DOCK2: variants seen among roughly 807,000 people sequenced by gnomAD.
DOCK2 encodes dedicator of cytokinesis protein 2.
DOCK2 carries 87 observed loss-of-function variants against 248.9 expected under a neutral mutation model. The ratio of observed to expected loss-of-function variants is 0.35; its 90% confidence interval spans 0.29 to 0.42. The LOEUF (loss-of-function observed/expected upper bound fraction) is 0.42, where lower values mean the gene tolerates loss of function less well. Ranked by LOEUF, DOCK2 falls within the 10% of genes least tolerant of loss-of-function variation. The probability of loss-of-function intolerance (pLI) is 1.00; values close to 1 mark genes in which losing one functional copy is unlikely to be tolerated. For synonymous variants in DOCK2, 805 were observed against 821.6 expected (o/e 0.98, Z 0.35); for missense variants, 1,747 against 2,300.2 (o/e 0.76, Z 4.92).
chr5:169,943,232 T>C (rs2113709408), intron 27 of DOCK2, among the ~76,000 whole-genome samples: 1 of 152,282 alleles, frequency 6.6e-6, no homozygotes, highest in East Asian at 1.9e-4. Flanking sequence ...GAATAGGTTT[T>C]AAAATATTCA....
Position 169,983,035 on chromosome 5 carries a change from A to C in DOCK2, c.2800-33A>C, listed in dbSNP as rs7737056. 6.9e-3 allele frequency: 11,071 copies of C among 1,610,430 alleles called. 624 individuals carry two copies. In the African/African-American group the frequency reaches 0.13, roughly 19 times the overall value. ...GGAAGTTTTCCATGGTCCTCTCTCA[A>C]CTATTTATAGTATTTGTCTTCATTT... On this transcript the variant is annotated intron_variant, in intron 27 of 51. Transcript: ENST00000520908.
intron 26 of DOCK2, among the ~76,000 whole-genome samples, chr5:169,824,399 A>G (rs1405979837): frequency 1.3e-5 from 2 of 152,250 alleles, no homozygotes; most frequent in African/African-American, 4.8e-5. Flanking sequence ...TAACCAAAAC[A>G]GCATGGTACT....
At chr5:169,979,329 T>C (rs2113780043) in intron 27 of DOCK2, among the ~76,000 whole-genome samples, 1 of 152,290 alleles carries the variant, frequency 6.6e-6, no homozygotes, top group East Asian at 1.9e-4. Flanking sequence ...CCTAAAAATT[T>C]AAGACATGGT....
chr5:169,708,300 T>G, intron 15 of DOCK2, 33 bp downstream of exon 15: 3 of 1,588,712 alleles, frequency 1.9e-6, no homozygotes, highest in Non-Finnish European at 2.6e-6. Flanking sequence ...AACACATGTC[T>G]AGTTCTTACC....
chr5:170,067,752 G>A, intron 45 of DOCK2, 66 bp downstream of exon 45: 2 of 1,553,510 alleles, frequency 1.3e-6, no homozygotes, highest in Non-Finnish European at 1.8e-6. Context: ...GAGGACCCAG[G>A]GGGCAGATGC....
intron 5 of DOCK2, among the ~76,000 whole-genome samples, chr5:169,673,948 C>T (rs1016910599): frequency 2.0e-5 from 3 of 152,158 alleles, no homozygotes; most frequent in Admixed American, 2.0e-4. Flanking sequence ...GAGAAATGGC[C>T]CTGGCTCCCA....
rs748195879 is a variant in DOCK2 at position 169,714,370 on chromosome 5, G to T, written c.1854G>T (p.Leu618=). ...TGGACTCTATTTTAGTGGGCTTGCT[G>T]GGTTTGCTGAAGTGGCGTATGAAGC... is the stretch of plus-strand genomic sequence containing the variant. ...STKLTQNVGL[L]GLLKWRMKPQ... is the part of the protein sequence containing the mutation. Residue 618 remains leucine, a synonymous_variant, in exon 19 of 52, where the codon CTG becomes CTT. Coordinates refer to ENST00000520908, the MANE Select transcript of DOCK2 (RefSeq NM_004946.3). The T allele has an allele frequency of 4.0e-5, 64 of 1,613,972 alleles. 2 individuals are homozygous for T. In the South Asian group the frequency reaches 6.6e-4, roughly 17 times the overall value.
rs557227039 is a variant in DOCK2, at chr5:169,810,489, C to T, written c.2703+7283C>T. Among the ~76,000 whole-genome samples the T allele has an allele frequency of 2.0e-5, 3 of 152,168 alleles. No homozygotes were observed. In the East Asian group the frequency reaches 5.8e-4, roughly 29 times the overall value. ...AAAAGACAGAAGGAGCTCTCTTGGGCGCAGCAAAGCAGTTGGTTATTGTAA... is the reference window on the plus strand; with the variant it reads ...AAAAGACAGAAGGAGCTCTCTTGGGTGCAGCAAAGCAGTTGGTTATTGTAA... On this transcript the variant is annotated intron_variant, in intron 26 of 51. Transcript: ENST00000520908.
intron 26 of DOCK2, among the ~76,000 whole-genome samples, chr5:169,807,863 A>G (rs915922995): frequency 1.0e-4 from 15 of 150,292 alleles, no homozygotes; most frequent in South Asian, 4.2e-4. Flanking sequence ...AAAAAAATCT[A>G]GCATCTTCCA....
At chr5:169,989,951 G>A (rs1446949732) in intron 29 of DOCK2, among the ~76,000 whole-genome samples, 1 of 152,174 alleles carries the variant, frequency 6.6e-6, no homozygotes, top group Non-Finnish European at 1.5e-5. Flanking sequence ...TCATATGGTA[G>A]TTCCATCAGT....
Position 170,079,121 on chromosome 5 carries a change from C to T in DOCK2, c.5141C>T (p.Ala1714Val), listed in dbSNP as rs766702229. Reference sequence around the variant, plus strand: ...AGCGTAGTTTTTGCGGATGAGAAAGCAGCTGCAGAGTCGGACCTGAAGCGG... The same window carrying T: ...AGCGTAGTTTTTGCGGATGAGAAAGTAGCTGCAGAGTCGGACCTGAAGCGG... ...RSSVVFADEK[A>V]AAESDLKRLS... is the part of the protein sequence containing the mutation. Residue 1714 changes from alanine to valine, a missense_variant, in exon 49 of 52, where the codon GCA becomes GTA. Ala to Val is a moderately conservative substitution (Grantham distance 64, BLOSUM62 0). Coordinates refer to ENST00000520908, the MANE Select transcript of DOCK2 (RefSeq NM_004946.3). The T allele has an allele frequency of 3.7e-6, 6 of 1,613,756 alleles. No homozygotes were observed. In the African/African-American group the frequency reaches 6.7e-5, roughly 18 times the overall value.
intron 37 of DOCK2, among the ~76,000 whole-genome samples, chr5:170,041,676 G>A (rs1167105559): frequency 1.3e-5 from 2 of 152,226 alleles, no homozygotes; most frequent in African/African-American, 4.8e-5. Flanking sequence ...CAGGCAGGGG[G>A]AAGCTAGCAG....
intron 27 of DOCK2, among the ~76,000 whole-genome samples, chr5:169,966,150 C>A (rs1351011994): frequency 1.3e-5 from 2 of 152,160 alleles, no homozygotes; most frequent in East Asian, 3.9e-4. Flanking sequence ...AATATATAAT[C>A]CCATTATGGT....
intron 32 of DOCK2, 118 bp from the exon 33 acceptor site, chr5:170,018,842 G>C: frequency 7.8e-7 from 1 of 1,283,900 alleles, no homozygotes; most frequent in Non-Finnish European, 1.1e-6. Context: ...AACTATATAA[G>C]TGTTAACTAT....
chr5:169,674,229 A>G, intron 5 of DOCK2, 68 bp from the exon 6 acceptor site: 1 of 1,577,744 alleles, frequency 6.3e-7, no homozygotes, highest in Non-Finnish European at 8.6e-7. Flanking sequence ...TGACTTTGGC[A>G]CAGCCTGCCA....
chr5:169,688,076 C>T (rs1470064318), intron 8 of DOCK2, among the ~76,000 whole-genome samples: 1 of 152,176 alleles, frequency 6.6e-6, no homozygotes, highest in African/African-American at 2.4e-5. Flanking sequence ...AGGCATGTGC[C>T]ACCATGCCTG....
intron 32 of DOCK2, among the ~76,000 whole-genome samples, chr5:170,016,040 G>C (rs928705486): frequency 1.3e-5 from 2 of 152,086 alleles, no homozygotes; most frequent in African/African-American, 4.8e-5. Flanking sequence ...GGAGGCCACT[G>C]TACAGATGAG....
intron 27 of DOCK2, among the ~76,000 whole-genome samples, chr5:169,965,287 G>T (rs1176732383): frequency 1.3e-5 from 2 of 152,166 alleles, no homozygotes; most frequent in Non-Finnish European, 2.9e-5. Context: ...TGCGGGCTGG[G>T]GCTTGCAGTT....
intron 15 of DOCK2, among the ~76,000 whole-genome samples, chr5:169,710,426 G>A (rs146188578): frequency 3.5e-4 from 53 of 152,310 alleles, no homozygotes; most frequent in African/African-American, 1.1e-3. Flanking sequence ...GCCAATGTGA[G>A]CCTATCACAG....
Sources: gnomAD v4.1 joint callset for allele counts (sites outside exome capture counted in the v4.1 genomes callset) on GRCh38, gnomAD v4.1.1 for gene constraint, MANE v1.5 for transcripts, NCBI Gene and HGNC (gene_info 2026-07-23, HGNC 2026-07-21) for gene names.